Variants in SASH1 observed in about 807,000 individuals in gnomAD.
The protein encoded by SASH1 is SAM and SH3 domain-containing protein 1.
A neutral mutation model predicts 125.2 loss-of-function variants in SASH1; 44 were observed. That is an observed-to-expected ratio of 0.35 (90% CI 0.28 to 0.45). The LOEUF (loss-of-function observed/expected upper bound fraction) is 0.45, where lower values mean the gene tolerates loss of function less well. Ranked by LOEUF, SASH1 falls within the 20% of genes least tolerant of loss-of-function variation. The pLI, the probability that SASH1 is intolerant of heterozygous loss-of-function variation, is 1.00. For synonymous variants in SASH1, 639 were observed against 649.1 expected (o/e 0.98, Z 0.24); for missense variants, 1,426 against 1,614.5 (o/e 0.88, Z 2.00).
chr6:148,323,942 T>C (rs1780722169), intron 1 of SASH1, among the ~76,000 whole-genome samples: 1 of 151,574 alleles, frequency 6.6e-6, no homozygotes, highest in African/African-American at 2.4e-5. Flanking sequence ...CTGGCCAACA[T>C]GACGAAACTC....
chr6:148,279,897 G>T (rs1416078629), intron 1 of SASH1, among the ~76,000 whole-genome samples: 3 of 151,270 alleles, frequency 2.0e-5, no homozygotes, highest in African/African-American at 7.3e-5. Flanking sequence ...TGAGACAGGA[G>T]AATTGCTTGA....
chr6:148,446,088 C>CTTTTTTTTTTTTTTTTTTTTT (rs576798745), intron 4 of SASH1, among the ~76,000 whole-genome samples: 5 of 71,010 alleles, frequency 7.0e-5, no homozygotes, highest in Non-Finnish European at 1.3e-4. Context: ...ACATAGGGTT[C>CTTTTTTTTTTTTTTTTTTTTT]TTTTTTTTTT....
At chr6:148,387,566 C>CCCTT (rs1783441181) in intron 1 of SASH1, among the ~76,000 whole-genome samples, 1 of 70,096 alleles carries the variant, frequency 1.4e-5, no homozygotes, top group Non-Finnish European at 2.9e-5. Context: ...TCTTTCTTTT[C>CCCTT]TCTTTCTTTC....
rs1404855955 is a variant in SASH1, at chr6:148,457,355, T to C, written c.387-11190T>C. Among the ~76,000 whole-genome samples the C allele has an allele frequency of 1.3e-5, 2 of 152,148 alleles. 1 individual carries two copies. Among genetic ancestry groups the C allele is most frequent in the Admixed American group, 1.3e-4 (2 of 15,278 alleles). ...TTTCGGCTCACAGTATTGCACCAGG[T>C]ACTGTGAATACTGTGATCAGTAAGA... is the stretch of plus-strand genomic sequence containing the variant. On this transcript the variant is annotated intron_variant, in intron 4 of 19. Transcript: ENST00000367467.
intron 1 of SASH1, among the ~76,000 whole-genome samples, chr6:148,282,976 G>A (rs1031742859): frequency 6.6e-6 from 1 of 152,086 alleles, no homozygotes; most frequent in African/African-American, 2.4e-5. Flanking sequence ...TCCAGAGAAC[G>A]CCTGGAGTCA....
At chr6:148,282,737 C>A (rs1006500403) in intron 1 of SASH1, among the ~76,000 whole-genome samples, 1 of 133,216 alleles carries the variant, frequency 7.5e-6, no homozygotes, top group Non-Finnish European at 1.6e-5. Context: ...TCAGAGGAAC[C>A]GAACTAACAC....
At chr6:148,343,363 T>C in intron 1 of SASH1, 140 bp downstream of exon 1, 1 of 684,246 alleles carries the variant, frequency 1.5e-6, no homozygotes, top group East Asian at 3.0e-5. Context: ...CTTAGGGGGC[T>C]AAATACACAC....
rs1469517708 is a variant in SASH1 at position 148,343,241 on chromosome 6, G to A, written c.156+18G>A. Reference sequence around the variant, plus strand: ...GTATCCTGGTAAGTTACCTGGGGAGGGGGCGGCGCAGGAAGTACAGTTCGC... The same window carrying A: ...GTATCCTGGTAAGTTACCTGGGGAGAGGGCGGCGCAGGAAGTACAGTTCGC... On this transcript the variant is annotated intron_variant, in intron 1 of 19. Coordinates refer to ENST00000367467, the MANE Select transcript of SASH1 (RefSeq NM_015278.5). The A allele has an allele frequency of 8.2e-6, 13 of 1,579,786 alleles. No individual in the cohort carries two copies. Among genetic ancestry groups the A allele is most frequent in the Non-Finnish European group, 1.1e-5 (13 of 1,167,100 alleles).
chr6:148,236,487 C>T, the SASH1 span, among the ~76,000 whole-genome samples: 1 of 152,184 alleles, frequency 6.6e-6, no homozygotes, highest in Non-Finnish European at 1.5e-5. Context: ...GCTTGGATTA[C>T]AGGCATGAGC....
At chr6:148,388,194 C>T (rs1303741372) in intron 1 of SASH1, among the ~76,000 whole-genome samples, 2 of 152,122 alleles carry the variant, frequency 1.3e-5, no homozygotes, top group African/African-American at 4.8e-5. Flanking sequence ...GGATTACAGG[C>T]GTGAGCCCCT....
At chr6:148,461,810 C>A (rs958171148) in intron 4 of SASH1, among the ~76,000 whole-genome samples, 4 of 152,058 alleles carry the variant, frequency 2.6e-5, no homozygotes, top group African/African-American at 9.7e-5. Context: ...ATCTTTGATA[C>A]CCAAAGGATA....
At chr6:148,196,125 C>G in the SASH1 span, among the ~76,000 whole-genome samples, 50 of 152,216 alleles carry the variant, frequency 3.3e-4, no homozygotes, top group Non-Finnish European at 6.3e-4. Flanking sequence ...CAAGAGTTCT[C>G]TCATCATTTT....
chr6:148,509,463 C>A (rs75077012), intron 8 of SASH1: 1,693 of 154,964 alleles, frequency 0.011, 15 homozygotes, highest in Non-Finnish European at 0.018. Context: ...TCGTGTGTTT[C>A]GAGCTAGGGA....
chr6:148,386,235 G>A (rs531982946), intron 1 of SASH1, among the ~76,000 whole-genome samples: 22 of 152,266 alleles, frequency 1.4e-4, no homozygotes, highest in African/African-American at 4.8e-4. Flanking sequence ...ATTGAGTTTG[G>A]TTTTTCTACA....
chr6:148,254,286 G>A, the SASH1 span, among the ~76,000 whole-genome samples: 2 of 151,898 alleles, frequency 1.3e-5, no homozygotes, highest in African/African-American at 4.8e-5. Context: ...ATCTGATAAA[G>A]AAACTGGAGC....
At chr6:148,243,738 C>T in the SASH1 span, among the ~76,000 whole-genome samples, 1 of 151,118 alleles carries the variant, frequency 6.6e-6, no homozygotes, top group East Asian at 1.9e-4. Context: ...CCACCTTTAG[C>T]TCCCTAAACA....
chr6:148,419,546 A>G (rs1005074275), intron 2 of SASH1, among the ~76,000 whole-genome samples: 1 of 152,324 alleles, frequency 6.6e-6, no homozygotes, highest in Non-Finnish European at 1.5e-5. Flanking sequence ...CATCCTTTTT[A>G]GATGACCATG....
chr6:148,279,984 CAAA>C (rs34727631), intron 1 of SASH1, among the ~76,000 whole-genome samples: 1 of 116,898 alleles, frequency 8.6e-6, no homozygotes. Flanking sequence ...GACCATGTCT[CAAA>C]AAAAAAAAAA....
chr6:148,440,760 G>A (rs112404145), intron 4 of SASH1: 1 of 237,486 alleles, frequency 4.2e-6, no homozygotes, highest in African/African-American at 2.3e-5. Flanking sequence ...CAAGAAGCAA[G>A]ATACAAATAT....
Sources: allele counts gnomAD v4.1 joint callset (sites outside exome capture counted in the v4.1 genomes callset), GRCh38; gene constraint gnomAD v4.1.1; transcripts MANE v1.5; gene names NCBI Gene and HGNC (gene_info 2026-07-23, HGNC 2026-07-21).